The following ODR4 variants were observed in gnomAD, a reference collection of about 807,000 sequenced individuals.
ODR4 encodes protein odr-4 homolog.
Under a neutral mutation model 60.2 loss-of-function variants are expected in ODR4, and 47 were observed. The observed-to-expected ratio is 0.78, with a 90% CI of 0.62 to 1.00. ODR4 has a LOEUF of 1.00. Ranked by LOEUF, ODR4 falls within the 50% of genes least tolerant of loss-of-function variation. The pLI, the probability that ODR4 is intolerant of heterozygous loss-of-function variation, is 0.00. For missense variants in ODR4, 488 were observed against 530.8 expected (o/e 0.92, Z 0.79); for synonymous variants, 178 against 175.5 (o/e 1.01, Z -0.11).
Position 186,421,334 on chromosome 1 carries a change from A to G in ODR4, c.*2258A>G, listed in dbSNP as rs1470737894. 2.6e-5 allele frequency: 4 copies of G among 152,218 alleles called. No homozygotes were observed. The highest frequency in any genetic ancestry group is 9.6e-5 in the African/African-American group (4 of 41,464). 9.4% of individuals were successfully genotyped at this position (152,218 alleles called of 1,614,324 possible). A position where few individuals can be genotyped will look rare whatever the true frequency, so the allele number is the denominator to read the frequency against. ...TAATGAAGTGTTTATAAGAAATTGT[A>G]AACAAATGTAAAACTAAATAAACAT... is the stretch of plus-strand genomic sequence containing the variant. On this transcript the variant is annotated 3_prime_UTR_variant, in exon 14 of 14. Transcript: ENST00000287859.
chr1:186,384,832 G>A (rs556163818), intron 3 of ODR4, among the ~76,000 whole-genome samples: 1 of 152,132 alleles, frequency 6.6e-6, no homozygotes, highest in Admixed American at 6.5e-5. Flanking sequence ...TAAATCAGAG[G>A]AAAACACCGA....
At chr1:186,376,620 T>G (rs1161947165) in intron 1 of ODR4, among the ~76,000 whole-genome samples, 1 of 152,246 alleles carries the variant, frequency 6.6e-6, no homozygotes, top group Admixed American at 6.5e-5. Context: ...AAGCATTTTA[T>G]GATATTTTGT....
rs527486056 is a variant in ODR4 at position 186,384,593 on chromosome 1, A to G, written c.235-1395A>G. Among the ~76,000 whole-genome samples the G allele has an allele frequency of 2.6e-5, 4 of 152,096 alleles. No individual in the cohort carries two copies. In the South Asian group the frequency reaches 6.2e-4, roughly 24 times the overall value. On this transcript the variant is annotated intron_variant, in intron 3 of 13. Transcript: ENST00000287859. Reference sequence around the variant, plus strand: ...ATATGACACACACACACACACACACACACACACACACAGAATATTAATGAA... The same window carrying G: ...ATATGACACACACACACACACACACGCACACACACACAGAATATTAATGAA...
At chr1:186,402,462 CAGTT>C (rs1661020818) in intron 11 of ODR4, among the ~76,000 whole-genome samples, 1 of 151,602 alleles carries the variant, frequency 6.6e-6, no homozygotes. Context: ...TGCAATAATG[CAGTT>C]GTAGCTCACT....
intron 1 of ODR4, among the ~76,000 whole-genome samples, chr1:186,378,339 G>C (rs1659874403): frequency 1.3e-5 from 2 of 152,166 alleles, no homozygotes; most frequent in South Asian, 4.1e-4. Flanking sequence ...TCAAAATACT[G>C]TAACTGTGTT....
the ODR4 span, among the ~76,000 whole-genome samples, chr1:186,428,857 A>C: frequency 6.6e-6 from 1 of 152,184 alleles, no homozygotes; most frequent in African/African-American, 2.4e-5. Flanking sequence ...CAATTTTATC[A>C]ATTAAGTTTG....
intron 11 of ODR4, among the ~76,000 whole-genome samples, chr1:186,402,245 T>TTC (rs1205646672): frequency 1.3e-5 from 2 of 151,226 alleles, no homozygotes; most frequent in East Asian, 3.9e-4. Context: ...CTTTCTTTCT[T>TTC]TCTCTTCTTT....
intron 11 of ODR4, 47 bp from the exon 12 acceptor site, chr1:186,406,036 C>T: frequency 1.6e-6 from 2 of 1,279,536 alleles, no homozygotes; most frequent in Non-Finnish European, 2.1e-6. Flanking sequence ...TCACTGATAC[C>T]AGTGACAAAC....
chr1:186,404,545 T>C (rs16825295), intron 11 of ODR4, among the ~76,000 whole-genome samples: 88,692 of 151,948 alleles, frequency 0.58, 25,967 homozygotes, highest in East Asian at 0.65. Context: ...TAACTGTGGC[T>C]CAAAATAAAA....
At position 186,405,274 on chromosome 1, in the gene ODR4, A is replaced by G. The variant is rs536209873; in HGVS notation, c.1001-809A>G. Among the ~76,000 whole-genome samples the G allele has an allele frequency of 6.6e-4, 101 of 152,324 alleles. 1 individual carries two copies. The highest frequency in any genetic ancestry group is 2.4e-3 in the African/African-American group (98 of 41,564). ...GATATATAGGAAGGGGGCTACATCTAGTAAGATGAAATTCATGGGGAGATT... is the reference window on the plus strand; with the variant it reads ...GATATATAGGAAGGGGGCTACATCTGGTAAGATGAAATTCATGGGGAGATT... On this transcript the variant is annotated intron_variant, in intron 11 of 13. Transcript: ENST00000287859.
intron 3 of ODR4, among the ~76,000 whole-genome samples, chr1:186,385,321 T>C (rs1402165635): frequency 6.8e-6 from 1 of 146,724 alleles, no homozygotes; most frequent in Non-Finnish European, 1.5e-5. Context: ...CTGCTAAAAA[T>C]AGGGATACAG....
chr1:186,398,449 A>C lies in ODR4; in HGVS notation c.909+8A>C. Reference sequence around the variant, plus strand: ...GTTAAAGATGCTGTGCAGGTACAAAAAGGAATAACGAGCATATGGAACCAT... The same window carrying C: ...GTTAAAGATGCTGTGCAGGTACAAACAGGAATAACGAGCATATGGAACCAT... On this transcript the variant is annotated splice_region_variant and intron_variant, in intron 10 of 13. Transcript: ENST00000287859. The C allele has an allele frequency of 6.3e-7, 1 of 1,596,688 alleles. No homozygotes were observed. The highest frequency in any genetic ancestry group is 8.5e-7 in the Non-Finnish European group (1 of 1,171,980).
chr1:186,383,168 T>G lies in ODR4; in HGVS notation c.234+12T>G, dbSNP rs1660107072. ...AACATGCCTGCCAGGTTATCTTATT[T>G]TTTTGTTTATATGTTTAAGTTTTAT... On this transcript the variant is annotated intron_variant, in intron 3 of 13. Coordinates refer to ENST00000287859, the MANE Select transcript of ODR4 (RefSeq NM_017847.6). 2.6e-6 allele frequency: 4 copies of G among 1,541,802 alleles called. No homozygotes were observed. The highest frequency in any genetic ancestry group is 1.2e-5 in the South Asian group (1 of 81,724).
At chr1:186,417,251 C>T (rs1377482526) in intron 12 of ODR4, 3 of 293,012 alleles carry the variant, frequency 1.0e-5, no homozygotes, top group African/African-American at 6.9e-5. Flanking sequence ...GCGTCAGCCA[C>T]CATGCCTGGC....
In ODR4 at chr1:186,383,172, T is replaced by C. The variant is rs1450965871; in HGVS notation, c.234+16T>C. 1.9e-6 allele frequency: 3 copies of C among 1,540,456 alleles called. No individual in the cohort carries two copies. In the African/African-American group the frequency reaches 4.2e-5, roughly 21 times the overall value. ...TGCCTGCCAGGTTATCTTATTTTTTTGTTTATATGTTTAAGTTTTATTTCA... is the reference window on the plus strand; with the variant it reads ...TGCCTGCCAGGTTATCTTATTTTTTCGTTTATATGTTTAAGTTTTATTTCA... On this transcript the variant is annotated intron_variant, in intron 3 of 13. Transcript: ENST00000287859.
rs184481611 is a variant in ODR4, at chr1:186,380,974, T to A, written c.99+1090T>A. On this transcript the variant is annotated intron_variant, in intron 2 of 13. Coordinates refer to ENST00000287859, the MANE Select transcript of ODR4 (RefSeq NM_017847.6). ...ATTTTCAGAATTTTTACAAATCAGA[T>A]TTCTTAATTTGCAAGACAGAGGGCA... is the stretch of plus-strand genomic sequence containing the variant. Among the ~76,000 whole-genome samples, 41 of 152,298 alleles carry A rather than the reference T, an allele frequency of 2.7e-4. 1 individual carries two copies. The highest frequency in any genetic ancestry group is 3.4e-3 in the Middle Eastern group (1 of 294).
At chr1:186,389,521 G>A in intron 5 of ODR4, 67 bp from the exon 6 acceptor site, 3 of 1,253,440 alleles carry the variant, frequency 2.4e-6, no homozygotes, top group Non-Finnish European at 3.4e-6. Flanking sequence ...TTTATTTTTT[G>A]ATAGTTTATA....
chr1:186,402,853 A>T (rs915123277), intron 11 of ODR4, among the ~76,000 whole-genome samples: 2 of 152,116 alleles, frequency 1.3e-5, no homozygotes, highest in Non-Finnish European at 2.9e-5. Flanking sequence ...AGCACTGGGA[A>T]TTATAGGCAT....
chr1:186,406,513 G>A (rs1049731440), intron 12 of ODR4, among the ~76,000 whole-genome samples: 1 of 152,106 alleles, frequency 6.6e-6, no homozygotes, highest in South Asian at 2.1e-4. Flanking sequence ...AGCTTAGCAA[G>A]TAGATCTTAA....
Sources: allele counts gnomAD v4.1 joint callset (sites outside exome capture counted in the v4.1 genomes callset), GRCh38; gene constraint gnomAD v4.1.1; transcripts MANE v1.5; gene names NCBI Gene and HGNC (gene_info 2026-07-23, HGNC 2026-07-21).